The following RBM47 variants were observed in gnomAD, a reference collection of about 807,000 sequenced individuals.
RBM47 encodes RNA binding motif protein 47, also known as RNA-binding protein 47.
A neutral mutation model predicts 47.1 loss-of-function variants in RBM47; 21 were observed. That is an observed-to-expected ratio of 0.45 (90% CI 0.32 to 0.64). The LOEUF (loss-of-function observed/expected upper bound fraction) is 0.64. Ranked by LOEUF, RBM47 falls within the 30% of genes least tolerant of loss-of-function variation. The probability of loss-of-function intolerance (pLI) is 0.05; values close to 1 mark genes in which losing one functional copy is unlikely to be tolerated. For synonymous variants in RBM47, 375 were observed against 361.7 expected (o/e 1.04, Z -0.42); for missense variants, 708 against 870.9 (o/e 0.81, Z 2.35).
intron 1 of RBM47, among the ~76,000 whole-genome samples, chr4:40,563,705 A>T (rs1274953060): frequency 6.6e-6 from 1 of 152,210 alleles, no homozygotes. Context: ...CCTCACCCAG[A>T]GGGGTAATCA....
Position 40,425,925 on chromosome 4 carries a change from G to A in RBM47, c.1761C>T (p.Pro587=), listed in dbSNP as rs375739553. Residue 587 remains proline, a synonymous_variant, in exon 7 of 7, where the codon CCC becomes CCT. Coordinates refer to ENST00000295971, the MANE Select transcript of RBM47 (RefSeq NM_001098634.2). ...FPAAAIQVPI[P]DVYQTY The stretch of plus-strand genomic sequence containing the variant: ...AGCCTCAGTATGTCTGGTAGACGTC[G>A]GGGATGGGGACCTGAATGGCAGCAG... 1.9e-4 allele frequency: 309 copies of A among 1,614,174 alleles called. No homozygotes were observed. Among genetic ancestry groups the A allele is most frequent in the Non-Finnish European group, 2.5e-4 (298 of 1,180,026 alleles).
At position 40,628,945 on chromosome 4, in the gene RBM47, G is replaced by T. The variant is rs546066048; in HGVS notation, c.-240+451C>A. On this transcript the variant is annotated intron_variant, in intron 1 of 6. Transcript: ENST00000295971. This position sits in a 1 kb window ranked among gnomAD's most constrained non-coding sequence, Gnocchi z 4.0. Reference sequence around the variant, plus strand: ...TTTGAAACAACTACACCTCTACCGAGTGTTACTTTCAGACGTAAATTACTG... The same window carrying T: ...TTTGAAACAACTACACCTCTACCGATTGTTACTTTCAGACGTAAATTACTG... Among the ~76,000 whole-genome samples, 10 of 152,236 alleles carry T rather than the reference G, an allele frequency of 6.6e-5. No homozygotes were observed. The East Asian group carries it at 1.7e-3, about 26-fold the overall frequency.
At chr4:40,523,823 C>A (rs1235601628) in intron 2 of RBM47, among the ~76,000 whole-genome samples, 4 of 149,896 alleles carry the variant, frequency 2.7e-5, no homozygotes, top group Non-Finnish European at 4.4e-5. Context: ...AGTAATCGCG[C>A]CACTGCACTC....
chr4:40,546,586 C>G (rs923460309), intron 1 of RBM47, among the ~76,000 whole-genome samples: 1 of 152,196 alleles, frequency 6.6e-6, no homozygotes, highest in African/African-American at 2.4e-5. Flanking sequence ...CTGGGCTATG[C>G]TAACTCCTGC....
intron 3 of RBM47, chr4:40,455,337 G>A (rs7695920): frequency 0.14 from 21,592 of 152,202 alleles, 1,625 homozygotes; most frequent in Admixed American, 0.2. Flanking sequence ...AGACTGCCTC[G>A]CTTCCTATCT....
intron 1 of RBM47, among the ~76,000 whole-genome samples, chr4:40,621,723 C>T (rs1013201663): frequency 1.3e-5 from 2 of 152,126 alleles, no homozygotes; most frequent in South Asian, 2.1e-4. Flanking sequence ...GTAGGGCATG[C>T]GATTCACAAA....
chr4:40,450,462 C>T (rs1489808523), intron 3 of RBM47, among the ~76,000 whole-genome samples: 1 of 151,702 alleles, frequency 6.6e-6, no homozygotes, highest in Admixed American at 6.6e-5. Context: ...CTTAGCCAGG[C>T]GTGGTGGCAT....
At chr4:40,513,117 A>T (rs1725159094) in intron 2 of RBM47, among the ~76,000 whole-genome samples, 1 of 152,224 alleles carries the variant, frequency 6.6e-6, no homozygotes, top group African/African-American at 2.4e-5. Context: ...TTGCCTGAAT[A>T]TACAAAGCCA....
At chr4:40,553,284 A>C (rs1454074646) in intron 1 of RBM47, among the ~76,000 whole-genome samples, 1 of 145,614 alleles carries the variant, frequency 6.9e-6, no homozygotes, top group Non-Finnish European at 1.5e-5. Context: ...AAATTGCATT[A>C]TGTATTTTTT....
At chr4:40,462,932 G>T (rs1717388980) in intron 3 of RBM47, among the ~76,000 whole-genome samples, 1 of 152,014 alleles carries the variant, frequency 6.6e-6, no homozygotes, top group South Asian at 2.1e-4. Flanking sequence ...AGCAACAAAA[G>T]AAAAAATAGA....
intron 1 of RBM47, among the ~76,000 whole-genome samples, chr4:40,545,268 G>C (rs1462657822): frequency 1.3e-5 from 2 of 150,218 alleles, no homozygotes; most frequent in African/African-American, 4.9e-5. Flanking sequence ...GGTCAGGCTG[G>C]TCTCGAACTC....
At chr4:40,500,053 G>A (rs953174619) in intron 2 of RBM47, among the ~76,000 whole-genome samples, 2 of 152,204 alleles carry the variant, frequency 1.3e-5, no homozygotes, top group East Asian at 1.9e-4. Flanking sequence ...AGTGGCTCAC[G>A]CCTGTAATCC....
At chr4:40,430,777 TAG>T (rs1299889372) in intron 6 of RBM47, among the ~76,000 whole-genome samples, 8 of 152,184 alleles carry the variant, frequency 5.3e-5, no homozygotes, top group African/African-American at 1.9e-4. Context: ...CTTCAGGGAT[TAG>T]AGTCTAAGAA....
At chr4:40,460,760 C>T (rs1716990452) in intron 3 of RBM47, among the ~76,000 whole-genome samples, 2 of 151,794 alleles carry the variant, frequency 1.3e-5, no homozygotes, top group South Asian at 2.1e-4. Context: ...TGGTGGCAGG[C>T]GCCTGTAGTC....
chr4:40,602,753 TA>T (rs780205089), intron 1 of RBM47, among the ~76,000 whole-genome samples: 66 of 152,336 alleles, frequency 4.3e-4, no homozygotes, highest in Admixed American at 1.4e-3. Flanking sequence ...TTTCTCTGTT[TA>T]TTTTTTTATT....
intron 1 of RBM47, among the ~76,000 whole-genome samples, chr4:40,588,468 T>C (rs2154274367): frequency 6.6e-6 from 1 of 152,286 alleles, no homozygotes; most frequent in East Asian, 1.9e-4. Context: ...GAAGAAGTGT[T>C]AGGGTCAGGG....
intron 1 of RBM47, among the ~76,000 whole-genome samples, chr4:40,549,963 C>A (rs191140768): frequency 6.6e-6 from 1 of 152,158 alleles, no homozygotes; most frequent in Non-Finnish European, 1.5e-5. Context: ...AGCCACCGTG[C>A]GCAGTAATAA....
chr4:40,437,886 C>G lies in RBM47; in HGVS notation c.1008G>C (p.Ala336=). The change falls in exon 4 of 7, where the codon GCG becomes GCC. Residue 336 remains alanine (A), a synonymous_variant. Coordinates refer to ENST00000295971, the MANE Select transcript of RBM47 (RefSeq NM_001098634.2). ...RYQKAARGGG[A]AEAAQQPSYV... ...AGCTGGGCTGCTGCGCTGCCTCAGC[C>G]GCGCCGCCGCCCCTGGCTGCCTTCT... The G allele has an allele frequency of 6.2e-7, 1 of 1,613,962 alleles. No individual in the cohort carries two copies.
intron 6 of RBM47, 120 bp from the exon 7 acceptor site, chr4:40,426,263 G>C: frequency 7.5e-7 from 1 of 1,338,072 alleles, no homozygotes; most frequent in South Asian, 1.5e-5. Flanking sequence ...GGGAGAGAAA[G>C]GCAGAGGGGC....
Sources: gnomAD v4.1 joint callset for allele counts (sites outside exome capture counted in the v4.1 genomes callset) on GRCh38, gnomAD v4.1.1 for gene constraint, Gnocchi (gnomAD v3.1) non-coding constraint, MANE v1.5 for transcripts, NCBI Gene and HGNC (gene_info 2026-07-23, HGNC 2026-07-21) for gene names.